ARFGEF2: variants seen among roughly 807,000 people sequenced by gnomAD.
ARFGEF2 encodes ARF guanine nucleotide exchange factor 2, also known as brefeldin A-inhibited guanine nucleotide-exchange protein 2.
A neutral mutation model predicts 219.9 loss-of-function variants in ARFGEF2; 74 were observed. The ratio of observed to expected loss-of-function variants is 0.34; its 90% CI spans 0.28 to 0.41. ARFGEF2 has a LOEUF of 0.41. Ranked by LOEUF, ARFGEF2 falls within the 10% of genes least tolerant of loss-of-function variation. The pLI is 1.00. For synonymous variants in ARFGEF2, 733 were observed against 799.2 expected, an observed-to-expected ratio of 0.92 and a Z score of 1.40; for missense variants, 1,743 against 2,218.3, an observed-to-expected ratio of 0.79 and a Z score of 4.30.
chr20:48,994,203 C>G (rs566517971), intron 21 of ARFGEF2, among the ~76,000 whole-genome samples: 2 of 151,958 alleles, frequency 1.3e-5, no homozygotes, highest in African/African-American at 4.8e-5. Flanking sequence ...TGTCGTCTCA[C>G]GAGGAGGGTG....
intron 1 of ARFGEF2, among the ~76,000 whole-genome samples, chr20:48,936,278 G>T (rs1297733188): frequency 2.0e-5 from 3 of 148,954 alleles, no homozygotes; most frequent in Non-Finnish European, 3.0e-5. Flanking sequence ...GCCGGACGGG[G>T]CGGCTGGCCA....
At chr20:48,934,183 A>T (rs1478153372) in intron 1 of ARFGEF2, among the ~76,000 whole-genome samples, 2 of 150,610 alleles carry the variant, frequency 1.3e-5, no homozygotes, top group African/African-American at 4.9e-5. Context: ...CCCATCTGGC[A>T]TCATTCAGCT....
At chr20:48,922,866 A>G (rs1306622791) in intron 1 of ARFGEF2, among the ~76,000 whole-genome samples, 3 of 152,248 alleles carry the variant, frequency 2.0e-5, no homozygotes, top group African/African-American at 7.2e-5. Context: ...CAAGACGGAC[A>G]TGGTCCTTAC....
At chr20:48,977,058 A>G (rs894361919) in intron 14 of ARFGEF2, among the ~76,000 whole-genome samples, 4 of 151,640 alleles carry the variant, frequency 2.6e-5, no homozygotes, top group Admixed American at 1.3e-4. Context: ...TACATGTGCC[A>G]TGTTGGTTTG....
chr20:49,028,326 C>CA (rs2091615211), intron 36 of ARFGEF2, among the ~76,000 whole-genome samples: 1 of 152,034 alleles, frequency 6.6e-6, no homozygotes, highest in African/African-American at 2.4e-5. Flanking sequence ...GAGGCTGAGG[C>CA]AGGAGGATCA....
chr20:48,927,147 A>T (rs1002551439), intron 1 of ARFGEF2, among the ~76,000 whole-genome samples: 19 of 152,176 alleles, frequency 1.2e-4, no homozygotes, highest in African/African-American at 4.6e-4. Flanking sequence ...AAGGTAGAAA[A>T]GATTTTAACT....
At chr20:48,980,261 GGTT>G (rs1225244390) in intron 14 of ARFGEF2, among the ~76,000 whole-genome samples, 1 of 152,186 alleles carries the variant, frequency 6.6e-6, no homozygotes, top group African/African-American at 2.4e-5. Flanking sequence ...TTCAGGAGGA[GGTT>G]GTTCAGTTTC....
chr20:49,023,526 T>G (rs2091580490), intron 35 of ARFGEF2, among the ~76,000 whole-genome samples: 1 of 63,152 alleles, frequency 1.6e-5, no homozygotes, highest in South Asian at 4.0e-4. Flanking sequence ...TTTTCTGGTT[T>G]TTTTTTTTTT....
chr20:49,001,779 C>T (rs1382839756), intron 25 of ARFGEF2, among the ~76,000 whole-genome samples: 3 of 152,126 alleles, frequency 2.0e-5, no homozygotes, highest in Non-Finnish European at 4.4e-5. Context: ...TATTCATGTG[C>T]ATATGTATGT....
At chr20:48,976,309 T>G (rs1393133780) in intron 14 of ARFGEF2, 110 bp downstream of exon 14, 2 of 1,374,866 alleles carry the variant, frequency 1.5e-6, no homozygotes, top group Non-Finnish European at 2.0e-6. Flanking sequence ...AGGCTGGTGC[T>G]GGCACTTGTA....
chr20:48,994,234 C>G (rs921086084), intron 21 of ARFGEF2, among the ~76,000 whole-genome samples: 2 of 152,162 alleles, frequency 1.3e-5, no homozygotes, highest in Non-Finnish European at 2.9e-5. Flanking sequence ...GTGGGGGTGA[C>G]TAAATGATGT....
rs566112866 is a variant in ARFGEF2 at position 48,950,883 on chromosome 20, A to C, written c.277-440A>C. ...ACATGCACACACACACACACACACA[A>C]AATTTTGTGATTTTTAGTTTATTGA... On this transcript the variant is annotated intron_variant, in intron 3 of 38. Coordinates refer to ENST00000371917, the MANE Select transcript of ARFGEF2 (RefSeq NM_006420.3). Among the ~76,000 whole-genome samples, 27 of 142,854 alleles carry C rather than the reference A, an allele frequency of 1.9e-4. No individual in the cohort carries two copies. The East Asian group carries it at 4.7e-3, about 25-fold the overall frequency. The allele number at this position is 142,854 out of a possible 152,430, so 93.7% of individuals were successfully genotyped here. A position where few individuals can be genotyped will look rare whatever the true frequency, so the allele number is the denominator to read the frequency against.
chr20:48,941,139 A>G lies in ARFGEF2; in HGVS notation c.122-60A>G, dbSNP rs1167843867. The G allele has an allele frequency of 1.5e-5, 22 of 1,500,108 alleles. No individual in the cohort carries two copies. In the Middle Eastern group the frequency reaches 6.9e-4, roughly 47 times the overall value. The allele number at this position is 1,500,108 out of a possible 1,614,324, so 92.9% of individuals were successfully genotyped here. On this transcript the variant is annotated intron_variant, in intron 1 of 38. Coordinates refer to ENST00000371917, the MANE Select transcript of ARFGEF2 (RefSeq NM_006420.3). ...GTGGTCTCCAAATATCTTTTAGTAA[A>G]GTTTTCCTTTACATAAATGTTGCAT...
intron 14 of ARFGEF2, 81 bp downstream of exon 14, chr20:48,976,280 G>T (rs993001112): frequency 1.3e-6 from 2 of 1,540,358 alleles, no homozygotes; most frequent in African/African-American, 1.4e-5. Context: ...TTCCTAAAAA[G>T]GAAATGCCTG....
chr20:49,003,617 A>G (rs1366545381), intron 25 of ARFGEF2, among the ~76,000 whole-genome samples: 1 of 152,040 alleles, frequency 6.6e-6, no homozygotes. Context: ...AAAATAAAAT[A>G]AAATAAAATA....
At chr20:48,957,908 A>G (rs1166486294) in intron 6 of ARFGEF2, among the ~76,000 whole-genome samples, 1 of 152,198 alleles carries the variant, frequency 6.6e-6, no homozygotes, top group Non-Finnish European at 1.5e-5. Context: ...TATGAGTTAT[A>G]TACTCTATCC....
chr20:49,010,504 G>T (rs2091491617), intron 27 of ARFGEF2, 100 bp downstream of exon 27: 1 of 1,385,002 alleles, frequency 7.2e-7, no homozygotes, highest in African/African-American at 1.4e-5. Context: ...TCCCTACCTT[G>T]GCTCTACTGT....
chr20:49,027,960 T>C (rs985165739), intron 36 of ARFGEF2, among the ~76,000 whole-genome samples: 10 of 152,056 alleles, frequency 6.6e-5, no homozygotes, highest in Non-Finnish European at 1.2e-4. Flanking sequence ...AAACCCTCTC[T>C]GTACAAACAC....
At chr20:48,970,975 C>T in intron 9 of ARFGEF2, 145 bp from the exon 10 acceptor site, 2 of 733,630 alleles carry the variant, frequency 2.7e-6, no homozygotes, top group South Asian at 1.5e-5. Context: ...CAACTCATGC[C>T]ATCTGCCCTC....
Sources: allele counts gnomAD v4.1 joint callset (sites outside exome capture counted in the v4.1 genomes callset), GRCh38; gene constraint gnomAD v4.1.1; transcripts MANE v1.5; gene names NCBI Gene and HGNC (gene_info 2026-07-23, HGNC 2026-07-21).